Variants in PBX3 observed in about 807,000 individuals in gnomAD.
The protein encoded by PBX3 is PBX homeobox 3.
In PBX3, 14 loss-of-function variants were observed where a neutral mutation model predicts 48.5. The ratio of observed to expected loss-of-function variants is 0.29; its 90% CI spans 0.19 to 0.45. The LOEUF is 0.45. PBX3 is among the 20% of genes least tolerant of loss of function. The probability of loss-of-function intolerance (pLI) is 1.00; values close to 1 mark genes in which losing one functional copy is unlikely to be tolerated. For missense variants in PBX3, 386 were observed against 546.7 expected, an observed-to-expected ratio of 0.71 and a Z score of 2.93; for synonymous variants, 210 against 200.3, an observed-to-expected ratio of 1.05 and a Z score of -0.41.
intron 3 of PBX3, among the ~76,000 whole-genome samples, chr9:125,923,790 T>C (rs1256525960): frequency 1.3e-5 from 2 of 152,028 alleles, no homozygotes; most frequent in African/African-American, 4.8e-5. Flanking sequence ...GGTCTTGTAC[T>C]CCTGGGCTCA....
intron 2 of PBX3, among the ~76,000 whole-genome samples, chr9:125,847,561 T>G (rs1224822871): frequency 1.3e-5 from 2 of 152,014 alleles, no homozygotes; most frequent in African/African-American, 4.8e-5. Flanking sequence ...CATAATTGTT[T>G]TCCCAAGTAC....
chr9:125,880,195 C>T (rs1840349645), intron 2 of PBX3, among the ~76,000 whole-genome samples: 1 of 152,280 alleles, frequency 6.6e-6, no homozygotes, highest in Non-Finnish European at 1.5e-5. Flanking sequence ...CAGGTGTGCA[C>T]CACCACGCCC....
intron 2 of PBX3, among the ~76,000 whole-genome samples, chr9:125,903,814 A>G (rs1423603819): frequency 1.3e-5 from 2 of 151,884 alleles, no homozygotes; most frequent in Non-Finnish European, 1.5e-5. Context: ...TTCTAACATA[A>G]TATGTATAAG....
At chr9:125,780,816 G>A (rs1157274224) in intron 2 of PBX3, among the ~76,000 whole-genome samples, 5 of 145,768 alleles carry the variant, frequency 3.4e-5, no homozygotes, top group African/African-American at 1.0e-4. Flanking sequence ...GCTGCCGGGC[G>A]GAGACGCTCC....
intron 2 of PBX3, among the ~76,000 whole-genome samples, chr9:125,868,854 CT>C (rs1280477464): frequency 2.0e-5 from 3 of 152,140 alleles, no homozygotes; most frequent in African/African-American, 7.2e-5. Context: ...AAATGCCTGT[CT>C]TTTCTGGAGG....
intron 2 of PBX3, among the ~76,000 whole-genome samples, chr9:125,758,393 G>A (rs886106177): frequency 1.3e-5 from 2 of 151,660 alleles, no homozygotes; most frequent in Non-Finnish European, 2.9e-5. Flanking sequence ...ATATTGACAT[G>A]CCATCTAATA....
chr9:125,943,292 T>G (rs1171792588), intron 5 of PBX3, among the ~76,000 whole-genome samples: 2 of 128,646 alleles, frequency 1.6e-5, no homozygotes, highest in African/African-American at 5.9e-5. Flanking sequence ...GAGGTGGAGG[T>G]TGCAGTGAGC....
At chr9:125,877,449 GGCATTAGCTCT>G in intron 2 of PBX3, among the ~76,000 whole-genome samples, 1 of 152,240 alleles carries the variant, frequency 6.6e-6, no homozygotes, top group Non-Finnish European at 1.5e-5. Context: ...CACACCAGAT[GGCATTAGCTCT>G]TTGTTGTGTA....
chr9:125,775,689 C>G (rs552217435), intron 2 of PBX3, among the ~76,000 whole-genome samples: 1 of 152,252 alleles, frequency 6.6e-6, no homozygotes, highest in Non-Finnish European at 1.5e-5. Flanking sequence ...GATGTATTAA[C>G]TTTGTTCTTT....
intron 2 of PBX3, among the ~76,000 whole-genome samples, chr9:125,770,572 T>C (rs926093821): frequency 6.6e-6 from 1 of 152,052 alleles, no homozygotes; most frequent in Non-Finnish European, 1.5e-5. Context: ...CCCAGCACAG[T>C]GTCAAAGTCC....
chr9:125,819,255 G>A (rs1272149306), intron 2 of PBX3, among the ~76,000 whole-genome samples: 4 of 151,812 alleles, frequency 2.6e-5, no homozygotes, highest in African/African-American at 7.3e-5. Flanking sequence ...AAGGCCAGGC[G>A]GGGTGGCTCA....
At chr9:125,885,570 C>T (rs939449918) in intron 2 of PBX3, among the ~76,000 whole-genome samples, 7 of 152,116 alleles carry the variant, frequency 4.6e-5, no homozygotes, top group African/African-American at 4.8e-5. Flanking sequence ...GCTAGCAGGG[C>T]GACAGTTTAA....
At chr9:125,813,072 C>T (rs57538623) in intron 2 of PBX3, among the ~76,000 whole-genome samples, 1 of 152,100 alleles carries the variant, frequency 6.6e-6, no homozygotes, top group South Asian at 2.1e-4. Context: ...ATTTTTATTT[C>T]TTCAATAAGT....
Position 125,759,696 on chromosome 9 carries a change from G to C in PBX3, c.274+11073G>C, listed in dbSNP as rs768063823. ...CGTAGCTAGGAGCAGTTTGTGGACC[G>C]CGTCTGTGAACGCGGCTCATAATTG... On this transcript the variant is annotated intron_variant, in intron 2 of 8. Coordinates refer to ENST00000373489, the MANE Select transcript of PBX3 (RefSeq NM_006195.6). The surrounding 1 kb of genome is among the most constrained non-coding windows in gnomAD (Gnocchi z 4.2). 1.3e-5 allele frequency among the ~76,000 whole-genome samples: 2 copies of C among 152,156 alleles called. No individual in the cohort carries two copies. The highest frequency in any genetic ancestry group is 2.4e-5 in the African/African-American group (1 of 41,430).
At chr9:125,780,640 G>T (rs1348603347) in intron 2 of PBX3, among the ~76,000 whole-genome samples, 1 of 132,786 alleles carries the variant, frequency 7.5e-6, no homozygotes, top group African/African-American at 2.8e-5. Context: ...CCGGGCGGGG[G>T]GCTGACCCCC....
At chr9:125,929,224 T>C (rs1043151178) in intron 3 of PBX3, among the ~76,000 whole-genome samples, 9 of 152,258 alleles carry the variant, frequency 5.9e-5, no homozygotes, top group African/African-American at 1.9e-4. Context: ...CTTGCTCATT[T>C]CTGTGTTCCT....
At chr9:125,923,502 C>T (rs969610756) in intron 3 of PBX3, among the ~76,000 whole-genome samples, 2 of 152,172 alleles carry the variant, frequency 1.3e-5, no homozygotes, top group South Asian at 2.1e-4. Flanking sequence ...GGGTTGGTGG[C>T]TTACGTCTAT....
intron 3 of PBX3, among the ~76,000 whole-genome samples, chr9:125,918,919 CT>C (rs1018849539): frequency 2.0e-5 from 3 of 152,104 alleles, no homozygotes; most frequent in African/African-American, 7.2e-5. Context: ...ACAAGAAGGA[CT>C]AGGCAGAGCT....
intron 3 of PBX3, among the ~76,000 whole-genome samples, chr9:125,919,115 A>T (rs985308956): frequency 6.6e-6 from 1 of 152,188 alleles, no homozygotes; most frequent in Admixed American, 6.5e-5. Context: ...GTACCCATGT[A>T]GAACTGGAAA....
Sources: allele counts gnomAD v4.1 joint callset (sites outside exome capture counted in the v4.1 genomes callset), GRCh38; gene constraint gnomAD v4.1.1; non-coding constraint Gnocchi (gnomAD v3.1); transcripts MANE v1.5; gene names NCBI Gene and HGNC (gene_info 2026-07-23, HGNC 2026-07-21).